ABCA1: variants seen among roughly 807,000 people sequenced by gnomAD.
ABCA1 encodes ATP binding cassette subfamily A member 1, also known as phospholipid-transporting ATPase ABCA1.
A neutral mutation model predicts 262.5 loss-of-function variants in ABCA1; 133 were observed. The ratio of observed to expected loss-of-function variants is 0.51; its 90% CI spans 0.44 to 0.59. The LOEUF is 0.59. Among genes scored for constraint, ABCA1 ranks in the 20% least tolerant of loss-of-function variants. ABCA1 has a pLI of 0.00. For synonymous variants in ABCA1, 1,022 were observed against 1,043.5 expected (o/e 0.98, Z 0.40); for missense variants, 2,452 against 2,777.5 (o/e 0.88, Z 2.63).
chr9:104,862,654 CGG>C lies in ABCA1; in HGVS notation c.422-856_422-855del, dbSNP rs1217894326. Among the ~76,000 whole-genome samples, 70 of 7,486 alleles carry C rather than the reference CGG, an allele frequency of 9.4e-3. 6 individuals carry two copies. Among genetic ancestry groups the C allele is most frequent in the African/African-American group, 0.013 (20 of 1,508 alleles). The allele number at this position is 7,486 out of a possible 152,430, so 4.9% of individuals were successfully genotyped here. A position where few individuals can be genotyped will look rare whatever the true frequency, so the allele number is the denominator to read the frequency against. On this transcript the variant is annotated intron_variant, in intron 5 of 49. Transcript: ENST00000374736. ...ACTGCCGGGCCGGGCCGGGCCGGGC[CGG>C]GCCGGGCCGGGCCGGGCCGGGCCGG...
At chr9:104,896,000 T>C (rs1423408291) in intron 2 of ABCA1, among the ~76,000 whole-genome samples, 2 of 152,164 alleles carry the variant, frequency 1.3e-5, no homozygotes, top group East Asian at 1.9e-4. Context: ...TTTCTTAGTA[T>C]TGAGAGATTC....
At chr9:104,831,360 G>C (rs1403740913) in intron 13 of ABCA1, among the ~76,000 whole-genome samples, 2 of 151,774 alleles carry the variant, frequency 1.3e-5, no homozygotes, top group African/African-American at 4.8e-5. Flanking sequence ...TGGGATTACA[G>C]GTGCCTGCCA....
rs114228983 is a variant in ABCA1 at position 104,860,615 on chromosome 9, A to T, written c.543+1064T>A. Among the ~76,000 whole-genome samples the T allele has an allele frequency of 2.0e-3, 299 of 152,288 alleles. 2 individuals are homozygous for T. Among genetic ancestry groups the T allele is most frequent in the African/African-American group, 6.8e-3 (282 of 41,550 alleles). ...ATAAGCTCAAAAAGTGTCTCTGAAAAATCAATAACCATGCAAGCTGGGTCT... is the reference window on the plus strand; with the variant it reads ...ATAAGCTCAAAAAGTGTCTCTGAAATATCAATAACCATGCAAGCTGGGTCT... On this transcript the variant is annotated intron_variant, in intron 6 of 49. Transcript: ENST00000374736.
intron 8 of ABCA1, among the ~76,000 whole-genome samples, chr9:104,841,731 A>G (rs954983221): frequency 6.6e-6 from 1 of 152,194 alleles, no homozygotes; most frequent in Non-Finnish European, 1.5e-5. Context: ...CCCTGCATAG[A>G]ACAGTCCCAA....
chr9:104,846,787 G>A (rs530253552), intron 7 of ABCA1, among the ~76,000 whole-genome samples: 1 of 152,216 alleles, frequency 6.6e-6, no homozygotes, highest in South Asian at 2.1e-4. Flanking sequence ...GACCTACGCG[G>A]TCTCCCTTAA....
intron 1 of ABCA1, among the ~76,000 whole-genome samples, chr9:104,909,702 A>C (rs1171577592): frequency 1.3e-5 from 2 of 151,550 alleles, no homozygotes; most frequent in Non-Finnish European, 2.9e-5. Flanking sequence ...CCTAGTTAGC[A>C]CCTGGCACGT....
chr9:104,786,906 T>A lies in ABCA1; in HGVS notation c.6275A>T (p.Lys2092Met), dbSNP rs1828981250. ...FLWNCALSVV[K>M]EGRSVVLTSH... ...TGTAAGCACTACTGATCTCCCCTCC[T>A]TGACAACACTTAGGGCACAATTCCA... The change falls in exon 47 of 50, where the codon AAG becomes ATG. Residue 2092 changes from lysine (K) to methionine (M), a missense_variant. Around this residue, in one of 4 missense-constraint regions of ABCA1, gnomAD observed 752 missense variants for 944.5 expected, o/e 0.80. Transcript: ENST00000374736. 6.2e-7 allele frequency: 1 copy of A among 1,613,932 alleles called. No homozygotes were observed. Among genetic ancestry groups the A allele is most frequent in the Admixed American group, 1.7e-5 (1 of 60,006 alleles).
chr9:104,864,527 T>C (rs1836912332), intron 5 of ABCA1, among the ~76,000 whole-genome samples: 1 of 152,164 alleles, frequency 6.6e-6, no homozygotes, highest in Non-Finnish European at 1.5e-5. Flanking sequence ...AATCCATTTA[T>C]TTGTCGAGTC....
intron 34 of ABCA1, among the ~76,000 whole-genome samples, chr9:104,800,946 T>C (rs58902766): frequency 0.067 from 10,127 of 152,036 alleles, 428 homozygotes; most frequent in East Asian, 0.23. Flanking sequence ...GCCAGATACA[T>C]GGGCCCATCA....
At chr9:104,844,447 G>T (rs1413237377) in intron 8 of ABCA1, among the ~76,000 whole-genome samples, 1 of 152,072 alleles carries the variant, frequency 6.6e-6, no homozygotes, top group Non-Finnish European at 1.5e-5. Context: ...AGTAGAACAG[G>T]ACAGGAAGAA....
chr9:104,887,188 G>A (rs1335198206), intron 3 of ABCA1, among the ~76,000 whole-genome samples: 2 of 152,186 alleles, frequency 1.3e-5, no homozygotes, highest in Admixed American at 1.3e-4. Flanking sequence ...TGAGGCAGGA[G>A]GCTCACTGGA....
At chr9:104,784,965 C>A (rs906197206) in intron 49 of ABCA1, among the ~76,000 whole-genome samples, 3 of 152,054 alleles carry the variant, frequency 2.0e-5, no homozygotes, top group African/African-American at 7.2e-5. Context: ...TTCTATATCG[C>A]CCCCCACCCC....
At chr9:104,798,650 C>A (rs769541320) in intron 36 of ABCA1, 52 bp from the exon 37 acceptor site, 1 of 1,528,604 alleles carries the variant, frequency 6.5e-7, no homozygotes, top group East Asian at 2.3e-5. Flanking sequence ...GCAGTTAGGG[C>A]TCAATCAGTG....
At chr9:104,894,051 G>T (rs776261193) in intron 2 of ABCA1, among the ~76,000 whole-genome samples, 8 of 152,120 alleles carry the variant, frequency 5.3e-5, no homozygotes, top group Non-Finnish European at 8.8e-5. Context: ...AACAAGTTAC[G>T]AGCCATAAGA....
Position 104,787,930 on chromosome 9 carries a change from A to G in ABCA1, c.6194T>C (p.Val2065Ala). The part of the protein sequence containing the change: ...TAMALIGGPP[V>A]VFLDEPTTGM... ...CACAGTTATACTCACCAGAAACACCACAGGAGGCCCGCCGATCAAAGCCAT... is the reference window on the plus strand; with the variant it reads ...CACAGTTATACTCACCAGAAACACCGCAGGAGGCCCGCCGATCAAAGCCAT... Residue 2065 changes from valine to alanine, a missense_variant, in exon 46 of 50, where the codon GTG (valine) becomes GCG (alanine). By Grantham distance (64) the Val-to-Ala change is moderately conservative (BLOSUM62 0). Coordinates refer to ENST00000374736, the MANE Select transcript of ABCA1 (RefSeq NM_005502.4). 1 of 1,614,102 alleles carries G rather than the reference A, an allele frequency of 6.2e-7. No homozygotes were observed. The highest frequency in any genetic ancestry group is 8.5e-7 in the Non-Finnish European group (1 of 1,179,966).
chr9:104,818,531 C>G (rs1250255403), intron 23 of ABCA1, 132 bp downstream of exon 23: 2 of 874,242 alleles, frequency 2.3e-6, no homozygotes, highest in East Asian at 2.5e-5. Flanking sequence ...GATATGATTT[C>G]AAAGGGGCAA....
intron 7 of ABCA1, among the ~76,000 whole-genome samples, chr9:104,847,348 G>A (rs1379273791): frequency 6.6e-6 from 1 of 152,148 alleles, no homozygotes; most frequent in African/African-American, 2.4e-5. Flanking sequence ...ATGCAGCAAA[G>A]TTTAAAATGC....
intron 2 of ABCA1, among the ~76,000 whole-genome samples, chr9:104,902,815 T>C (rs1278929991): frequency 6.6e-6 from 1 of 152,112 alleles, no homozygotes; most frequent in African/African-American, 2.4e-5. Context: ...TACAGACATG[T>C]TAAGCTACAT....
chr9:104,800,133 C>T lies in ABCA1; in HGVS notation c.4774-145G>A, dbSNP rs540285395. On this transcript the variant is annotated intron_variant, in intron 35 of 49. Coordinates refer to ENST00000374736, the MANE Select transcript of ABCA1 (RefSeq NM_005502.4). ...AAAACACTATGATCAGAGAATATGGCGAAGTAATTACAGTGTTCAGGACAT... is the reference window on the plus strand; with the variant it reads ...AAAACACTATGATCAGAGAATATGGTGAAGTAATTACAGTGTTCAGGACAT... 1.5e-4 allele frequency: 142 copies of T among 930,526 alleles called. No individual in the cohort carries two copies. In the Middle Eastern group the frequency reaches 1.9e-3, roughly 12 times the overall value. 57.6% of individuals were successfully genotyped at this position (930,526 alleles called of 1,614,324 possible). A position where few individuals can be genotyped will look rare whatever the true frequency, so the allele number is the denominator to read the frequency against.
Sources: gnomAD v4.1 joint callset for allele counts (sites outside exome capture counted in the v4.1 genomes callset) on GRCh38, gnomAD v4.1.1 for gene constraint, gnomAD v4.1.1 regional missense constraint, MANE v1.5 for transcripts, NCBI Gene and HGNC (gene_info 2026-07-23, HGNC 2026-07-21) for gene names.